SLAIN1: variants seen among roughly 807,000 people sequenced by gnomAD.
The protein encoded by SLAIN1 is SLAIN family member 1, also known as SLAIN motif-containing protein 1.
Under a neutral mutation model 55.4 loss-of-function variants are expected in SLAIN1, and 17 were observed. The ratio of observed to expected loss-of-function variants is 0.31; its 90% CI spans 0.21 to 0.46. The LOEUF is 0.46. SLAIN1 is among the 20% of genes least tolerant of loss of function. SLAIN1 has a pLI of 1.00. For missense variants in SLAIN1, 682 were observed against 785.1 expected, an observed-to-expected ratio of 0.87 and a Z score of 1.57; for synonymous variants, 348 against 337.4, an observed-to-expected ratio of 1.03 and a Z score of -0.35.
chr13:77,709,634 A>G (rs977718779), intron 1 of SLAIN1, among the ~76,000 whole-genome samples: 5 of 152,238 alleles, frequency 3.3e-5, no homozygotes, highest in African/African-American at 1.2e-4. Flanking sequence ...TCAACCCAGA[A>G]TTTCATATCC....
intron 2 of SLAIN1, among the ~76,000 whole-genome samples, chr13:77,734,579 A>G (rs944213209): frequency 1.3e-5 from 2 of 152,172 alleles, no homozygotes; most frequent in Non-Finnish European, 2.9e-5. Flanking sequence ...CTAAGTCGCC[A>G]TAGTTGTCTA....
chr13:77,748,206 T>C (rs1288917483), intron 4 of SLAIN1, among the ~76,000 whole-genome samples: 7 of 151,992 alleles, frequency 4.6e-5, no homozygotes, highest in Admixed American at 4.6e-4. Context: ...TTTGGAAATA[T>C]TTAAAATTTT....
intron 2 of SLAIN1, among the ~76,000 whole-genome samples, chr13:77,721,447 G>T (rs1162438627): frequency 1.3e-5 from 2 of 152,052 alleles, no homozygotes; most frequent in East Asian, 1.9e-4. Context: ...TCTTTGAAGG[G>T]TTATATAGAC....
chr13:77,712,797 T>C (rs1050816897), intron 1 of SLAIN1, among the ~76,000 whole-genome samples: 1 of 152,202 alleles, frequency 6.6e-6, no homozygotes, highest in African/African-American at 2.4e-5. Flanking sequence ...TCATGCTACC[T>C]GATTTCAAAC....
chr13:77,700,795 G>A (rs890406659), intron 1 of SLAIN1, among the ~76,000 whole-genome samples: 1 of 151,974 alleles, frequency 6.6e-6, no homozygotes, highest in Non-Finnish European at 1.5e-5. Context: ...ACTGGAGTGG[G>A]TATATAGTAC....
intron 1 of SLAIN1, among the ~76,000 whole-genome samples, chr13:77,708,714 C>T (rs1472631143): frequency 4.6e-5 from 7 of 152,120 alleles, no homozygotes; most frequent in African/African-American, 1.4e-4. Context: ...GGAATAGCAT[C>T]AGCATCAATA....
intron 1 of SLAIN1, among the ~76,000 whole-genome samples, chr13:77,711,330 A>G (rs571479330): frequency 5.0e-4 from 76 of 152,340 alleles, no homozygotes; most frequent in Non-Finnish European, 8.2e-4. Context: ...ACCGCTAGCC[A>G]GACTATTAAA....
At chr13:77,759,947 A>G (rs1157521465) in intron 5 of SLAIN1, among the ~76,000 whole-genome samples, 1 of 152,226 alleles carries the variant, frequency 6.6e-6, no homozygotes, top group African/African-American at 2.4e-5. Context: ...AAATAAAACC[A>G]TAGATACTTT....
intron 2 of SLAIN1, among the ~76,000 whole-genome samples, chr13:77,738,229 T>TAC (rs1176606481): frequency 2.7e-5 from 4 of 150,160 alleles, no homozygotes; most frequent in Non-Finnish European, 4.5e-5. Flanking sequence ...CATACATATA[T>TAC]ACATATACAT....
chr13:77,753,162 A>G, intron 4 of SLAIN1, 41 bp from the exon 5 acceptor site: 2 of 1,532,752 alleles, frequency 1.3e-6, no homozygotes, highest in Non-Finnish European at 1.8e-6. Flanking sequence ...CTTTGGTTGC[A>G]TAACATCTGT....
At chr13:77,753,113 C>T in intron 4 of SLAIN1, 90 bp from the exon 5 acceptor site, 1 of 1,152,136 alleles carries the variant, frequency 8.7e-7, no homozygotes, top group East Asian at 2.7e-5. Context: ...TATTATTGAG[C>T]ACAATATGAC....
At chr13:77,753,897 A>G (rs1566247787) in intron 5 of SLAIN1, among the ~76,000 whole-genome samples, 2 of 152,208 alleles carry the variant, frequency 1.3e-5, no homozygotes, top group African/African-American at 4.8e-5. Context: ...TGTCCACTCT[A>G]TTTAGCTTAC....
intron 2 of SLAIN1, among the ~76,000 whole-genome samples, chr13:77,734,391 A>C (rs1241126865): frequency 6.6e-6 from 1 of 152,192 alleles, no homozygotes; most frequent in Non-Finnish European, 1.5e-5. Context: ...CCTGTTGTAT[A>C]AAGAAAGAAA....
intron 2 of SLAIN1, among the ~76,000 whole-genome samples, chr13:77,743,644 A>G (rs1231186262): frequency 1.3e-5 from 2 of 150,954 alleles, no homozygotes; most frequent in Admixed American, 6.6e-5. Context: ...GCCTTCTTCT[A>G]TTTGTTCTTT....
At chr13:77,718,144 A>G (rs1470979522) in intron 1 of SLAIN1, among the ~76,000 whole-genome samples, 2 of 152,118 alleles carry the variant, frequency 1.3e-5, no homozygotes, top group Non-Finnish European at 2.9e-5. Flanking sequence ...ATTGAGATCT[A>G]TATTTTAGAG....
chr13:77,733,305 C>G (rs1181107755), intron 2 of SLAIN1, among the ~76,000 whole-genome samples: 1 of 152,098 alleles, frequency 6.6e-6, no homozygotes, highest in Non-Finnish European at 1.5e-5. Context: ...TCTTCATTAA[C>G]TCTGCATATT....
chr13:77,710,557 A>T (rs1003536816), intron 1 of SLAIN1, among the ~76,000 whole-genome samples: 1 of 152,202 alleles, frequency 6.6e-6, no homozygotes, highest in African/African-American at 2.4e-5. Context: ...CTAAATATAT[A>T]TCCACCCAAT....
chr13:77,743,356 A>G (rs909454306), intron 2 of SLAIN1: 1 of 267,964 alleles, frequency 3.7e-6, no homozygotes, highest in Admixed American at 5.5e-5. Context: ...ACTGCTCTCA[A>G]TTTTATGTAG....
intron 1 of SLAIN1, among the ~76,000 whole-genome samples, chr13:77,701,250 A>C (rs536544843): frequency 6.6e-6 from 1 of 152,166 alleles, no homozygotes; most frequent in Non-Finnish European, 1.5e-5. Flanking sequence ...TAAAAATGTC[A>C]TAAGTTCAGG....
Sources: gnomAD v4.1 joint callset for allele counts (sites outside exome capture counted in the v4.1 genomes callset) on GRCh38, gnomAD v4.1.1 for gene constraint, MANE v1.5 for transcripts, NCBI Gene and HGNC (gene_info 2026-07-23, HGNC 2026-07-21) for gene names.